OPCML: variants seen among roughly 807,000 people sequenced by gnomAD.
OPCML encodes opioid binding protein/cell adhesion molecule like.
Under a neutral mutation model 37.8 loss-of-function variants are expected in OPCML, and 13 were observed. That is an observed-to-expected ratio of 0.34 (90% confidence interval 0.22 to 0.55). OPCML has a LOEUF of 0.55. Among genes scored for constraint, OPCML ranks in the 20% least tolerant of loss-of-function variants. The pLI, the probability that OPCML is intolerant of heterozygous loss-of-function variation, is 0.91. For missense variants in OPCML, 341 were observed against 435.6 expected (o/e 0.78, Z 1.93); for synonymous variants, 176 against 168.8 (o/e 1.04, Z -0.33).
chr11:133,191,785 T>G (rs1227919328), intron 1 of OPCML, among the ~76,000 whole-genome samples: 1 of 152,172 alleles, frequency 6.6e-6, no homozygotes. Context: ...TGAGCCCCCA[T>G]GCCTGGCCTG....
intron 1 of OPCML, among the ~76,000 whole-genome samples, chr11:133,509,024 G>A (rs1948099134): frequency 6.6e-6 from 1 of 151,596 alleles, no homozygotes; most frequent in South Asian, 2.1e-4. Flanking sequence ...GTGCCTATGT[G>A]TCAGGCACAG....
intron 1 of OPCML, among the ~76,000 whole-genome samples, chr11:133,265,171 T>C (rs1485196499): frequency 6.6e-6 from 1 of 152,090 alleles, no homozygotes. Flanking sequence ...TTCCCAAGCG[T>C]CACATCTCCC....
chr11:132,980,516 A>C (rs891051312), intron 1 of OPCML, among the ~76,000 whole-genome samples: 2 of 152,238 alleles, frequency 1.3e-5, no homozygotes, highest in African/African-American at 4.8e-5. Flanking sequence ...TTTTCTTAAA[A>C]AACATAGGCC....
chr11:132,633,239 G>A lies in OPCML; in HGVS notation c.379+23848C>T, dbSNP rs558069994. 1.6e-3 allele frequency among the ~76,000 whole-genome samples: 251 copies of A among 152,182 alleles called. 2 individuals carry two copies. The highest frequency in any genetic ancestry group is 5.8e-3 in the African/African-American group (241 of 41,524). ...TTTTTCTGAGACAGAGTCTCGCTCT[G>A]TCGCCCAAGCTGGAGTTCAGTGGTG... is the stretch of plus-strand genomic sequence containing the variant. On this transcript the variant is annotated intron_variant, in intron 3 of 7. Coordinates refer to ENST00000524381, the MANE Select transcript of OPCML (RefSeq NM_001012393.5).
At chr11:132,459,537 A>G (rs565427523) in intron 4 of OPCML, among the ~76,000 whole-genome samples, 111 of 148,706 alleles carry the variant, frequency 7.5e-4, no homozygotes, top group Middle Eastern at 7.2e-3. Flanking sequence ...ACACATATAC[A>G]TATATATATA....
intron 1 of OPCML, among the ~76,000 whole-genome samples, chr11:133,331,328 G>A (rs868294562): frequency 6.6e-6 from 1 of 152,104 alleles, no homozygotes; most frequent in Admixed American, 6.5e-5. Flanking sequence ...GGGTGACAAG[G>A]ACAGCTGACA....
chr11:132,503,327 G>A (rs895595667), intron 4 of OPCML, among the ~76,000 whole-genome samples: 1 of 152,058 alleles, frequency 6.6e-6, no homozygotes, highest in Non-Finnish European at 1.5e-5. Flanking sequence ...ACAGTACTTG[G>A]AAAACTGAAA....
At chr11:132,872,190 A>T (rs1415013173) in intron 2 of OPCML, among the ~76,000 whole-genome samples, 1 of 152,246 alleles carries the variant, frequency 6.6e-6, no homozygotes, top group East Asian at 1.9e-4. Context: ...TGTCAAGAAG[A>T]AGAGCAAAAG....
chr11:133,525,549 G>A (rs1948472931), intron 1 of OPCML, among the ~76,000 whole-genome samples: 1 of 149,874 alleles, frequency 6.7e-6, no homozygotes, highest in Non-Finnish European at 1.5e-5. Flanking sequence ...ATCACAATAG[G>A]GTGACATCTA....
chr11:133,034,162 G>T (rs906638829), intron 1 of OPCML, among the ~76,000 whole-genome samples: 4 of 152,126 alleles, frequency 2.6e-5, no homozygotes, highest in Non-Finnish European at 4.4e-5. Flanking sequence ...CTGGCTCTGG[G>T]CAGCTTTGAG....
At chr11:133,262,294 G>C (rs1272380240) in intron 1 of OPCML, among the ~76,000 whole-genome samples, 1 of 152,112 alleles carries the variant, frequency 6.6e-6, no homozygotes, top group African/African-American at 2.4e-5. Flanking sequence ...AGGATAAATG[G>C]GCGAATGCAT....
chr11:133,077,539 A>AT (rs879460498), intron 1 of OPCML, among the ~76,000 whole-genome samples: 1 of 152,180 alleles, frequency 6.6e-6, no homozygotes, highest in South Asian at 2.1e-4. Context: ...CTCGGTAAGA[A>AT]TTTTTTTAAT....
intron 3 of OPCML, among the ~76,000 whole-genome samples, chr11:132,530,498 T>C (rs1248258679): frequency 1.3e-5 from 2 of 152,078 alleles, no homozygotes; most frequent in Non-Finnish European, 2.9e-5. Flanking sequence ...AGAGCAGTCT[T>C]TCCAAGTAAT....
chr11:132,513,542 T>C (rs759197533), intron 4 of OPCML, among the ~76,000 whole-genome samples: 2 of 152,184 alleles, frequency 1.3e-5, no homozygotes, highest in Non-Finnish European at 2.9e-5. Flanking sequence ...GTTCATACTT[T>C]ATGCTTCAAT....
chr11:133,149,897 C>T (rs1353313210), intron 1 of OPCML, among the ~76,000 whole-genome samples: 1 of 152,156 alleles, frequency 6.6e-6, no homozygotes, highest in Non-Finnish European at 1.5e-5. Flanking sequence ...GTGGTTATGC[C>T]AGAGTTGAGT....
intron 3 of OPCML, among the ~76,000 whole-genome samples, chr11:132,572,681 TG>T (rs1324658928): frequency 5.9e-5 from 9 of 152,090 alleles, no homozygotes; most frequent in African/African-American, 1.9e-4. Context: ...AATCAAGAAG[TG>T]TGATACCTCC....
At position 133,396,577 on chromosome 11, in the gene OPCML, T is replaced by C. The variant is rs376886886; in HGVS notation, c.61+135687A>G. On this transcript the variant is annotated intron_variant, in intron 1 of 7. Coordinates refer to ENST00000524381, the MANE Select transcript of OPCML (RefSeq NM_001012393.5). The stretch of plus-strand genomic sequence containing the variant: ...TCTGAATCACTAGTCTAGTGATCAC[T>C]CTTCTGCTCAAAAACCTTTAATAGT... Among the ~76,000 whole-genome samples the C allele has an allele frequency of 5.9e-5, 9 of 152,316 alleles. No homozygotes were observed. In the South Asian group the frequency reaches 1.0e-3, roughly 18 times the overall value.
intron 1 of OPCML, among the ~76,000 whole-genome samples, chr11:132,967,473 A>G (rs1201840379): frequency 6.6e-6 from 1 of 152,012 alleles, no homozygotes; most frequent in Non-Finnish European, 1.5e-5. Context: ...CTTATTTGCC[A>G]TTTCTTGTTT....
intron 1 of OPCML, among the ~76,000 whole-genome samples, chr11:133,526,487 G>C (rs935851953): frequency 6.6e-6 from 1 of 152,180 alleles, no homozygotes. Flanking sequence ...AAGAAGAGAG[G>C]AGGGAATGTA....
Sources: allele counts gnomAD v4.1 joint callset (sites outside exome capture counted in the v4.1 genomes callset), GRCh38; gene constraint gnomAD v4.1.1; transcripts MANE v1.5; gene names NCBI Gene and HGNC (gene_info 2026-07-23, HGNC 2026-07-21).